Variants in SCNN1A observed in about 807,000 individuals in gnomAD.
SCNN1A encodes the protein epithelial sodium channel subunit alpha.
Under a neutral mutation model 68.6 loss-of-function variants are expected in SCNN1A, and 65 were observed. That is an observed-to-expected ratio of 0.95 (90% CI 0.78 to 1.16). The LOEUF (loss-of-function observed/expected upper bound fraction) is 1.16, where lower values mean the gene tolerates loss of function less well. Ranked by LOEUF, SCNN1A falls within the 50% of genes most tolerant of loss-of-function variation. The probability of loss-of-function intolerance (pLI) is 0.00; values close to 1 mark genes in which losing one functional copy is unlikely to be tolerated. For synonymous variants in SCNN1A, 357 were observed against 353.3 expected (o/e 1.01, Z -0.12); for missense variants, 880 against 865.9 (o/e 1.02, Z -0.20).
At chr12:6,369,765 C>T (rs1488648620) in intron 2 of SCNN1A, among the ~76,000 whole-genome samples, 2 of 145,466 alleles carry the variant, frequency 1.4e-5, no homozygotes, top group Non-Finnish European at 3.0e-5. Flanking sequence ...ACCCGGGAGG[C>T]GGAGCTTGCA....
chr12:6,372,398 G>A lies in SCNN1A; in HGVS notation c.416+1970C>T, dbSNP rs1479532823. ...CCGCTGTGCTGGGGAGCCCTTCCCC[G>A]ACTCCTCTCCTCTCCTAGGTGTTCT... On this transcript the variant is annotated intron_variant, in intron 2 of 12. Transcript: ENST00000228916. The surrounding 1 kb of genome is among the most constrained non-coding windows in gnomAD (Gnocchi z 5.8). 2.6e-5 allele frequency among the ~76,000 whole-genome samples: 4 copies of A among 152,112 alleles called. No homozygotes were observed. The highest frequency in any genetic ancestry group is 6.5e-5 in the Admixed American group (1 of 15,274).
Position 6,360,849 on chromosome 12 carries a change from A to T in SCNN1A, c.875+1202T>A, listed in dbSNP as rs972805901. ...CAGCTGCTATGAGCTGCTTGCAAGG[A>T]CATTATAACAGGGGTCCTCACAGAA... On this transcript the variant is annotated intron_variant, in intron 4 of 12. Coordinates refer to ENST00000228916, the MANE Select transcript of SCNN1A (RefSeq NM_001038.6). 1.3e-5 allele frequency among the ~76,000 whole-genome samples: 2 copies of T among 152,298 alleles called. 1 individual carries two copies. Among genetic ancestry groups the T allele is most frequent in the South Asian group, 4.1e-4 (2 of 4,824 alleles).
At chr12:6,368,637 A>T (rs1449438268) in intron 2 of SCNN1A, among the ~76,000 whole-genome samples, 2 of 152,186 alleles carry the variant, frequency 1.3e-5, no homozygotes, top group Non-Finnish European at 2.9e-5. Context: ...AGGCATGATG[A>T]CTTATTCCAG....
At chr12:6,373,803 G>A (rs1032899397) in intron 2 of SCNN1A, among the ~76,000 whole-genome samples, 1 of 152,120 alleles carries the variant, frequency 6.6e-6, no homozygotes, top group Non-Finnish European at 1.5e-5. Context: ...GTTCTGTAAG[G>A]CCCCTGCCCC....
In SCNN1A at chr12:6,374,455, A is replaced by C. The variant is rs769061042; in HGVS notation, c.329T>G (p.Phe110Cys). The C allele has an allele frequency of 1.5e-5, 25 of 1,614,186 alleles. No homozygotes were observed. The highest frequency in any genetic ancestry group is 3.3e-4 in the Middle Eastern group (2 of 6,062). The change falls in exon 2 of 13, where the codon TTC becomes TGC. Residue 110 changes from phenylalanine to cysteine, a missense_variant. Phe to Cys is a radical substitution (Grantham distance 205, BLOSUM62 -2). Coordinates refer to ENST00000228916, the MANE Select transcript of SCNN1A (RefSeq NM_001038.6). The surrounding 1 kb of genome is among the most constrained non-coding windows in gnomAD (Gnocchi z 6.2). ...WQFGLLFGEY[F>C]SYPVSLNINL... is the part of the protein sequence containing the mutation. ...GATGTTGAGGCTGACGGGGTAGCTG[A>C]AGTACTCTCCGAAAAGCAGGCCGAA...
intron 2 of SCNN1A, among the ~76,000 whole-genome samples, chr12:6,365,928 G>A (rs73048444): frequency 5.3e-5 from 8 of 151,798 alleles, no homozygotes; most frequent in Non-Finnish European, 8.8e-5. Context: ...CCGTGATCTC[G>A]GCTCACAAGC....
rs35673511 is a variant in SCNN1A, at chr12:6,358,859, CAAA to C, written c.876-2982_876-2980del. Among the ~76,000 whole-genome samples, 374 of 83,592 alleles carry C rather than the reference CAAA, an allele frequency of 4.5e-3. 1 individual carries two copies. The highest frequency in any genetic ancestry group is 0.033 in the South Asian group (89 of 2,694). The allele number at this position is 83,592 out of a possible 152,430, so 54.8% of individuals were successfully genotyped here. On this transcript the variant is annotated intron_variant, in intron 4 of 12. Transcript: ENST00000228916. ...TGGGTAACAGAGTGAGAACCTGTCTCAAAAAAAAAAAAAAAAAAAAGGTGGTGT... is the reference window on the plus strand; with the variant it reads ...TGGGTAACAGAGTGAGAACCTGTCTCAAAAAAAAAAAAAAAAAGGTGGTGT...
At chr12:6,370,889 C>T (rs1948777120) in intron 2 of SCNN1A, among the ~76,000 whole-genome samples, 1 of 152,148 alleles carries the variant, frequency 6.6e-6, no homozygotes, top group Admixed American at 6.5e-5. Flanking sequence ...CAGCCTAAAC[C>T]GTTCCTGGGA....
chr12:6,375,663 C>T (rs1178515597), upstream of SCNN1A: 9 of 1,471,290 alleles, frequency 6.1e-6, no homozygotes, highest in Non-Finnish European at 8.1e-6. Flanking sequence ...AGGAGGGCTC[C>T]CGAGGGCAGG....
chr12:6,366,380 A>G (rs1948680223), intron 2 of SCNN1A, among the ~76,000 whole-genome samples: 1 of 152,238 alleles, frequency 6.6e-6, no homozygotes, highest in Admixed American at 6.5e-5. Flanking sequence ...TCTAATAGCC[A>G]AAAAGTAGAA....
In SCNN1A at chr12:6,351,825, TC is replaced by T. The variant is rs1349875351; in HGVS notation, c.1361-2421del. Among the ~76,000 whole-genome samples, 1 of 151,914 alleles carries T rather than the reference TC, an allele frequency of 6.6e-6. No homozygotes were observed. Among genetic ancestry groups the T allele is most frequent in the Non-Finnish European group, 1.5e-5 (1 of 67,974 alleles). ...CCCAGGCTGGAGTGCAGTGGCCTGA[TC>T]ATGGCTCACTGCAGCCTTGACCTCC... On this transcript the variant is annotated intron_variant, in intron 8 of 12. Transcript: ENST00000228916. The surrounding 1 kb of genome is among the most constrained non-coding windows in gnomAD (Gnocchi z 4.2).
In SCNN1A at chr12:6,349,202, A is replaced by C; in HGVS notation, c.1459T>G (p.Ser487Ala). 1 of 1,614,116 alleles carries C rather than the reference A, an allele frequency of 6.2e-7. No homozygotes were observed. The highest frequency in any genetic ancestry group is 8.5e-7 in the Non-Finnish European group (1 of 1,179,994). Residue 487 changes from serine (S) to alanine (A), a missense_variant, in exon 10 of 13, where the codon TCT becomes GCT. Coordinates refer to ENST00000228916, the MANE Select transcript of SCNN1A (RefSeq NM_001038.6). The part of the protein sequence containing the change: ...KPCSVTSYQL[S>A]AGYSRWPSVT... ...GAGGGCCATCGTGAGTAACCAGCAG[A>C]GAGCTGGTAGCTGGTCACGCTGGGG...
intron 7 of SCNN1A, 42 bp downstream of exon 7, chr12:6,354,708 A>C: frequency 1.6e-5 from 24 of 1,514,428 alleles, no homozygotes; most frequent in Non-Finnish European, 2.2e-5. Flanking sequence ...CAGCCAGGGC[A>C]GTGGCTGGGA....
intron 6 of SCNN1A, 55 bp from the exon 7 acceptor site, chr12:6,354,903 C>A: frequency 7.1e-7 from 1 of 1,410,250 alleles, no homozygotes. Flanking sequence ...CCTCTGGGTT[C>A]TCTGCCTTCC....
intron 2 of SCNN1A, among the ~76,000 whole-genome samples, chr12:6,366,974 C>A (rs1948690618): frequency 6.6e-6 from 1 of 152,194 alleles, no homozygotes; most frequent in Non-Finnish European, 1.5e-5. Flanking sequence ...CATGGTGGCT[C>A]ACACCTGTAA....
chr12:6,357,956 C>A (rs4491294), intron 4 of SCNN1A, among the ~76,000 whole-genome samples: 25,268 of 152,100 alleles, frequency 0.17, 4,584 homozygotes, highest in African/African-American at 0.46. Flanking sequence ...TGAGATTGCG[C>A]CATTGCACTC....
At chr12:6,369,925 TA>T (rs1948757227) in intron 2 of SCNN1A, among the ~76,000 whole-genome samples, 1 of 151,474 alleles carries the variant, frequency 6.6e-6, no homozygotes, top group Non-Finnish European at 1.5e-5. Context: ...AGTTGACACC[TA>T]GAGCTAAGAG....
chr12:6,375,306 T>C, intron 1 of SCNN1A, 199 bp downstream of exon 1: 1 of 1,434,832 alleles, frequency 7.0e-7, no homozygotes, highest in South Asian at 1.5e-5. Context: ...CCCCCTTGCC[T>C]TGCCCCCTCT....
rs72657537 is a variant in SCNN1A at position 6,347,537 on chromosome 12, C to A, written c.*336G>T. 1 of 377,126 alleles carries A rather than the reference C, an allele frequency of 2.7e-6. No homozygotes were observed. Among genetic ancestry groups the A allele is most frequent in the Non-Finnish European group, 5.0e-6 (1 of 200,476 alleles). 23.4% of individuals were successfully genotyped at this position (377,126 alleles called of 1,614,324 possible). A position where few individuals can be genotyped will look rare whatever the true frequency, so the allele number is the denominator to read the frequency against. Reference sequence around the variant, plus strand: ...GGTTGTGTTTTGTCCTGGTTATCAGCGGTTTCTTAGGAAAGTTCCTTGTCA... The same window carrying A: ...GGTTGTGTTTTGTCCTGGTTATCAGAGGTTTCTTAGGAAAGTTCCTTGTCA... On this transcript the variant is annotated 3_prime_UTR_variant, in exon 13 of 13. Coordinates refer to ENST00000228916, the MANE Select transcript of SCNN1A (RefSeq NM_001038.6).
Sources: gnomAD v4.1 joint callset for allele counts (sites outside exome capture counted in the v4.1 genomes callset) on GRCh38, gnomAD v4.1.1 for gene constraint, Gnocchi (gnomAD v3.1) non-coding constraint, MANE v1.5 for transcripts, NCBI Gene and HGNC (gene_info 2026-07-23, HGNC 2026-07-21) for gene names.